DIP2C: variants seen among roughly 807,000 people sequenced by gnomAD.
The protein encoded by DIP2C is disco-interacting protein 2 homolog C.
DIP2C carries 33 observed loss-of-function variants against 192.4 expected under a neutral mutation model. The ratio of observed to expected loss-of-function variants is 0.17; its 90% CI spans 0.13 to 0.23. DIP2C has a LOEUF of 0.23. Among genes scored for constraint, DIP2C ranks in the 10% least tolerant of loss-of-function variants. The probability of loss-of-function intolerance (pLI) is 1.00; values close to 1 mark genes in which losing one functional copy is unlikely to be tolerated. For synonymous variants in DIP2C, 979 were observed against 864.1 expected (o/e 1.13, Z -2.33); for missense variants, 1,537 against 2,110.1 (o/e 0.73, Z 5.32).
chr10:287,134 G>C (rs1352664111), intron 33 of DIP2C, among the ~76,000 whole-genome samples: 1 of 151,776 alleles, frequency 6.6e-6, no homozygotes, highest in Non-Finnish European at 1.5e-5. Flanking sequence ...ACAGGGTCTA[G>C]TTCTGTCACC....
chr10:373,321 C>T (rs1226741965), intron 17 of DIP2C, among the ~76,000 whole-genome samples: 2 of 152,314 alleles, frequency 1.3e-5, no homozygotes, highest in East Asian at 3.9e-4. Flanking sequence ...CTGCTCCAAT[C>T]CTATGCCCCA....
intron 8 of DIP2C, 109 bp downstream of exon 8, chr10:413,804 G>T: frequency 1.5e-6 from 2 of 1,375,192 alleles, no homozygotes; most frequent in Non-Finnish European, 2.0e-6. Context: ...CAGAGGGTTA[G>T]CCTCGGGATT....
chr10:344,743 G>A, intron 28 of DIP2C, 66 bp downstream of exon 28: 2 of 1,376,580 alleles, frequency 1.5e-6, no homozygotes, highest in Non-Finnish European at 2.0e-6. Context: ...GCCAGCACGT[G>A]ACCTGCCACC....
Position 569,453 on chromosome 10 carries a change from G to A in DIP2C, c.86-82923C>T, listed in dbSNP as rs528087552. On this transcript the variant is annotated intron_variant, in intron 1 of 36. Coordinates refer to ENST00000280886, the MANE Select transcript of DIP2C (RefSeq NM_014974.3). ...AGATACATAATGATGTGTGACAACA[G>A]AATAACGAATTGGCATTCCCGTGAG... Among the ~76,000 whole-genome samples the A allele has an allele frequency of 3.3e-5, 5 of 152,174 alleles. No individual in the cohort carries two copies. The South Asian group carries it at 1.0e-3, about 32-fold the overall frequency.
Position 362,653 on chromosome 10 carries a change from C to T in DIP2C, c.2631G>A (p.Leu877=). The change falls in exon 22 of 37, where the codon CTG becomes CTA. Residue 877 remains leucine (L), a synonymous_variant. Transcript: ENST00000280886. ...DSIHQVGVYC[L]ALVPANTLPK... is the part of the protein sequence containing the mutation. ...GGAGGGTGTTTGCTGGCACCAAGGCCAGGCAATAAACTCCAACTTGATGTA... is the reference window on the plus strand; with the variant it reads ...GGAGGGTGTTTGCTGGCACCAAGGCTAGGCAATAAACTCCAACTTGATGTA... 1.2e-6 allele frequency: 2 copies of T among 1,613,616 alleles called. No individual in the cohort carries two copies. Among genetic ancestry groups the T allele is most frequent in the Non-Finnish European group, 1.7e-6 (2 of 1,179,750 alleles).
intron 1 of DIP2C, among the ~76,000 whole-genome samples, chr10:560,085 C>G (rs982914231): frequency 1.3e-5 from 2 of 152,024 alleles, no homozygotes; most frequent in Non-Finnish European, 2.9e-5. Flanking sequence ...CGCCCAAGGC[C>G]TGACTCCCAG....
intron 30 of DIP2C, among the ~76,000 whole-genome samples, chr10:328,681 G>A (rs890837423): frequency 1.3e-5 from 2 of 152,276 alleles, no homozygotes; most frequent in African/African-American, 4.8e-5. Flanking sequence ...TTATGCATTA[G>A]GAAAACAATG....
At chr10:446,240 G>A (rs1366962414) in intron 3 of DIP2C, among the ~76,000 whole-genome samples, 2 of 152,054 alleles carry the variant, frequency 1.3e-5, no homozygotes, top group Non-Finnish European at 2.9e-5. Context: ...ACAGTCCACT[G>A]GGCATCTGTA....
chr10:650,485 T>G (rs779407623), intron 1 of DIP2C: 17 of 702,768 alleles, frequency 2.4e-5, no homozygotes, highest in Middle Eastern at 4.6e-4. Flanking sequence ...CCACGGCCAC[T>G]TCTACTGGGT....
chr10:303,702 T>TA (rs1956167751), intron 32 of DIP2C, among the ~76,000 whole-genome samples: 1 of 152,104 alleles, frequency 6.6e-6, no homozygotes, highest in African/African-American at 2.4e-5. Context: ...TTTGTATTTT[T>TA]AGTAGAGACG....
chr10:393,118 GAGGCC>G (rs753023721), intron 10 of DIP2C, among the ~76,000 whole-genome samples: 1 of 152,210 alleles, frequency 6.6e-6, no homozygotes, highest in Non-Finnish European at 1.5e-5. Context: ...GGCTGGATCT[GAGGCC>G]AACTCCGGGA....
chr10:301,107 T>A (rs889309829), intron 32 of DIP2C, among the ~76,000 whole-genome samples: 2 of 152,060 alleles, frequency 1.3e-5, no homozygotes, highest in Non-Finnish European at 2.9e-5. Flanking sequence ...GGTGGGGTCG[T>A]AGGTGGCCTT....
At chr10:511,948 A>G (rs1846040479) in intron 1 of DIP2C, among the ~76,000 whole-genome samples, 2 of 152,174 alleles carry the variant, frequency 1.3e-5, no homozygotes, top group Non-Finnish European at 2.9e-5. Flanking sequence ...TGGCTGGCCG[A>G]CTGCGGGAGA....
chr10:279,209 A>G (rs1440153203), intron 36 of DIP2C, among the ~76,000 whole-genome samples: 1 of 152,212 alleles, frequency 6.6e-6, no homozygotes, highest in African/African-American at 2.4e-5. Context: ...AATTCCTGTC[A>G]TACTGCTCCT....
intron 31 of DIP2C, among the ~76,000 whole-genome samples, chr10:312,202 CTT>C (rs1286092618): frequency 6.6e-6 from 1 of 152,198 alleles, no homozygotes; most frequent in African/African-American, 2.4e-5. Context: ...GAGACACCAA[CTT>C]CTGTTTTCTT....
chr10:348,112 T>C (rs4880609), intron 26 of DIP2C, among the ~76,000 whole-genome samples: 122,605 of 124,930 alleles, frequency 0.98, 60,193 homozygotes, highest in Middle Eastern at 1. Flanking sequence ...TCCAGGACCA[T>C]GCCAAAAGGG....
intron 1 of DIP2C, among the ~76,000 whole-genome samples, chr10:674,828 A>AGAGAGAGG (rs1554772178): frequency 6.8e-6 from 1 of 147,618 alleles, no homozygotes; most frequent in Non-Finnish European, 1.5e-5. Flanking sequence ...AGAGAGAGAG[A>AGAGAGAGG]GACCAACACA....
chr10:610,608 G>A (rs865862766), intron 1 of DIP2C, among the ~76,000 whole-genome samples: 1 of 152,232 alleles, frequency 6.6e-6, no homozygotes, highest in Non-Finnish European at 1.5e-5. Flanking sequence ...TGACAGAATC[G>A]TTTGCGAAGC....
intron 1 of DIP2C, among the ~76,000 whole-genome samples, chr10:528,809 C>T (rs1564821468): frequency 6.6e-6 from 1 of 152,220 alleles, no homozygotes; most frequent in South Asian, 2.1e-4. Flanking sequence ...AGAAGCCAAC[C>T]TCAAGCAGTT....
Sources: gnomAD v4.1 joint callset for allele counts (sites outside exome capture counted in the v4.1 genomes callset) on GRCh38, gnomAD v4.1.1 for gene constraint, MANE v1.5 for transcripts, NCBI Gene and HGNC (gene_info 2026-07-23, HGNC 2026-07-21) for gene names.